The following COL4A2 variants were observed in gnomAD, a reference collection of about 807,000 sequenced individuals.
COL4A2 encodes collagen alpha-2(IV) chain.
COL4A2 carries 99 observed loss-of-function variants against 200.2 expected under a neutral mutation model. That is an observed-to-expected ratio of 0.49 (90% CI 0.42 to 0.58). The LOEUF (loss-of-function observed/expected upper bound fraction) is 0.58, where lower values mean the gene tolerates loss of function less well. COL4A2 is among the 20% of genes least tolerant of loss of function. The probability of loss-of-function intolerance (pLI) is 0.00; values close to 1 mark genes in which losing one functional copy is unlikely to be tolerated. For synonymous variants in COL4A2, 897 were observed against 900.6 expected (o/e 1.00, Z 0.07); for missense variants, 1,950 against 2,314.1 (o/e 0.84, Z 3.23).
chr13:110,370,491 G>A (rs1877956124), intron 4 of COL4A2, among the ~76,000 whole-genome samples: 1 of 152,170 alleles, frequency 6.6e-6, no homozygotes, highest in Admixed American at 6.6e-5. Flanking sequence ...TCCTGACCTC[G>A]TGGTCCGCCC....
chr13:110,362,409 G>T (rs1877557575), intron 4 of COL4A2, among the ~76,000 whole-genome samples: 1 of 152,060 alleles, frequency 6.6e-6, no homozygotes. Context: ...GCCCTCCCAG[G>T]CTCAAGCAGT....
At chr13:110,326,317 A>G (rs1885411088) in intron 3 of COL4A2, among the ~76,000 whole-genome samples, 1 of 152,174 alleles carries the variant, frequency 6.6e-6, no homozygotes, top group Admixed American at 6.5e-5. Flanking sequence ...AAGGTACTTA[A>G]CCACAGTGTC....
At position 110,489,756 on chromosome 13, in the gene COL4A2, AG is replaced by A. The variant is rs776447317; in HGVS notation, c.3322del (p.Glu1108SerfsTer10). ...AATTTACCAGGAAGACCAGGCCTGAAGGGGGAGCGGGGCACCACTGGAATAC... is the reference window on the plus strand; with the variant it reads ...AATTTACCAGGAAGACCAGGCCTGAAGGGGAGCGGGGCACCACTGGAATAC... ...TINLPGRPGL[K>X]GERGTTGIPG... On this transcript the variant is annotated frameshift_variant, in exon 36 of 48. Transcript: ENST00000360467. LOFTEE classifies it high-confidence loss of function. The A allele has an allele frequency of 1.9e-6, 3 of 1,613,326 alleles. No individual in the cohort carries two copies. The highest frequency in any genetic ancestry group is 1.7e-6 in the Non-Finnish European group (2 of 1,179,796).
At chr13:110,443,454 C>T (rs56102049) in intron 16 of COL4A2, among the ~76,000 whole-genome samples, 3,119 of 152,308 alleles carry the variant, frequency 0.02, 116 homozygotes, top group African/African-American at 0.073. Context: ...CAAGGACTTT[C>T]CTTACTCCAG....
intron 20 of COL4A2, among the ~76,000 whole-genome samples, chr13:110,452,666 A>G (rs980356368): frequency 3.3e-5 from 5 of 152,252 alleles, no homozygotes; most frequent in African/African-American, 9.6e-5. Flanking sequence ...GAAAACCCAC[A>G]TATTCTCACA....
intron 3 of COL4A2, among the ~76,000 whole-genome samples, chr13:110,354,709 C>T (rs774522209): frequency 6.6e-6 from 1 of 151,136 alleles, no homozygotes; most frequent in Non-Finnish European, 1.5e-5. Flanking sequence ...AAACGTGAAA[C>T]TCTCAGATGA....
At chr13:110,405,711 C>T (rs1313006561) in intron 4 of COL4A2, among the ~76,000 whole-genome samples, 3 of 152,194 alleles carry the variant, frequency 2.0e-5, no homozygotes, top group Non-Finnish European at 4.4e-5. Flanking sequence ...AATTTATATA[C>T]TATTTGAAGC....
chr13:110,508,096 T>G lies in COL4A2; in HGVS notation c.4756T>G (p.Tyr1586Asp). Residue 1586 changes from tyrosine to aspartate, a missense_variant, in exon 47 of 48, where the codon TAC becomes GAC. Physicochemically the swap from Tyr to Asp is radical, Grantham distance 160 (BLOSUM62 -3). Around this residue, in one of 2 missense-constraint regions of COL4A2, gnomAD observed 1,385 missense variants for 1,720.5 expected, o/e 0.80. Transcript: ENST00000360467. This position sits in a 1 kb window ranked among gnomAD's most constrained non-coding sequence, Gnocchi z 6.1. ...MPVAEDEIKP[Y>D]ISRCSVCEAP... ...CGTGGCCGAGGACGAGATCAAGCCC[T>G]ACATCAGCCGCTGTTCTGTGTGTGA... is the stretch of plus-strand genomic sequence containing the variant. 6.2e-7 allele frequency: 1 copy of G among 1,614,260 alleles called. No homozygotes were observed. Among genetic ancestry groups the G allele is most frequent in the Non-Finnish European group, 8.5e-7 (1 of 1,180,048 alleles).
At position 110,493,203 on chromosome 13, in the gene COL4A2, C is replaced by A; in HGVS notation, c.3563-8C>A. 6.2e-7 allele frequency: 1 copy of A among 1,614,102 alleles called. No homozygotes were observed. Among genetic ancestry groups the A allele is most frequent in the South Asian group, 1.1e-5 (1 of 91,082 alleles). ...TGAAATAAATAACGATGAGTGACAC[C>A]CCCGCAGGTTTTCCGGGACTCCGTG... On this transcript the variant is annotated splice_region_variant and splice_polypyrimidine_tract_variant and intron_variant, in intron 38 of 47. Transcript: ENST00000360467.
At chr13:110,495,229 T>C in intron 39 of COL4A2, 113 bp from the exon 40 acceptor site, 5 of 1,260,178 alleles carry the variant, frequency 4.0e-6, no homozygotes, top group South Asian at 3.6e-5. Context: ...GAAATCACCA[T>C]GGCTGCCTCT....
chr13:110,401,863 GC>G (rs750752655), intron 4 of COL4A2, among the ~76,000 whole-genome samples: 2 of 152,206 alleles, frequency 1.3e-5, no homozygotes, highest in Admixed American at 6.5e-5. Context: ...CATAGATGGT[GC>G]CCTGCTGCTG....
At chr13:110,388,701 T>A (rs1878867053) in intron 4 of COL4A2, among the ~76,000 whole-genome samples, 1 of 152,230 alleles carries the variant, frequency 6.6e-6, no homozygotes, top group Non-Finnish European at 1.5e-5. Flanking sequence ...GCAGTTTTAC[T>A]AGTGTGCAGC....
At chr13:110,388,213 C>T (rs1466806816) in intron 4 of COL4A2, among the ~76,000 whole-genome samples, 1 of 152,168 alleles carries the variant, frequency 6.6e-6, no homozygotes, top group Non-Finnish European at 1.5e-5. Flanking sequence ...AATAACAGCC[C>T]CTCCAGGACG....
chr13:110,423,166 G>GT (rs530091770), intron 4 of COL4A2, among the ~76,000 whole-genome samples: 1 of 152,022 alleles, frequency 6.6e-6, no homozygotes, highest in Non-Finnish European at 1.5e-5. Context: ...TAGGACATAC[G>GT]TTTTTTTAAG....
intron 3 of COL4A2, among the ~76,000 whole-genome samples, chr13:110,340,484 A>G (rs1876401459): frequency 6.6e-6 from 1 of 152,250 alleles, no homozygotes; most frequent in South Asian, 2.1e-4. Flanking sequence ...AAGAACAAAA[A>G]GAGATAAAGG....
rs200471399 is a variant in COL4A2, at chr13:110,489,679, C to G, written c.3272-32C>G. 6.2e-6 allele frequency: 10 copies of G among 1,613,660 alleles called. No homozygotes were observed. In the Admixed American group the frequency reaches 1.5e-4, roughly 24 times the overall value. On this transcript the variant is annotated intron_variant, in intron 35 of 47. Coordinates refer to ENST00000360467, the MANE Select transcript of COL4A2 (RefSeq NM_001846.4). ...ACTCACAAAGTCCCAGTGGAAAGTCCTGTTCTTAGCCGTCTTTTTTGCATG... is the reference window on the plus strand; with the variant it reads ...ACTCACAAAGTCCCAGTGGAAAGTCGTGTTCTTAGCCGTCTTTTTTGCATG...
At chr13:110,436,113 C>T (rs1466878341) in intron 12 of COL4A2, 156 bp from the exon 13 acceptor site, 6 of 1,102,028 alleles carry the variant, frequency 5.4e-6, no homozygotes, top group African/African-American at 1.6e-5. Context: ...ATTAGGATTA[C>T]TCTATTTTGT....
At chr13:110,499,303 AACTT>A (rs1476483536) in intron 40 of COL4A2, among the ~76,000 whole-genome samples, 1 of 152,244 alleles carries the variant, frequency 6.6e-6, no homozygotes, top group Admixed American at 6.5e-5. Flanking sequence ...GGCCTCAGGA[AACTT>A]ACAATCATGG....
chr13:110,426,641 A>G (rs1419996917), intron 6 of COL4A2, among the ~76,000 whole-genome samples: 1 of 152,260 alleles, frequency 6.6e-6, no homozygotes, highest in Non-Finnish European at 1.5e-5. Context: ...GCAGAGACAG[A>G]CATTTAGCTC....
Sources: allele counts gnomAD v4.1 joint callset (sites outside exome capture counted in the v4.1 genomes callset), GRCh38; gene constraint gnomAD v4.1.1; regional missense constraint gnomAD v4.1.1; non-coding constraint Gnocchi (gnomAD v3.1); transcripts MANE v1.5; gene names NCBI Gene and HGNC (gene_info 2026-07-23, HGNC 2026-07-21).